NHERF2: variants seen among roughly 807,000 people sequenced by gnomAD.
The protein encoded by NHERF2 is NHERF family PDZ scaffold protein 2.
chr16:2,036,837 A>G, the NHERF2 span: 12 of 1,612,732 alleles, frequency 7.4e-6, no homozygotes, highest in African/African-American at 1.3e-5. Flanking sequence ...ACAGATGAAC[A>G]CTTCAAGCGG....
the NHERF2 span, among the ~76,000 whole-genome samples, chr16:2,032,074 C>G: frequency 6.8e-6 from 1 of 147,664 alleles, no homozygotes; most frequent in Non-Finnish European, 1.5e-5. The surrounding 1 kb of genome is among the most constrained non-coding windows in gnomAD (Gnocchi z 4.0). Flanking sequence ...GGCTGGAGTG[C>G]TGTGGTGCGA....
the NHERF2 span, among the ~76,000 whole-genome samples, chr16:2,034,840 C>G: frequency 6.6e-6 from 1 of 152,354 alleles, no homozygotes. Context: ...CCAGGCCAGC[C>G]TGGGGGCCGT....
the NHERF2 span, chr16:2,038,242 A>C: frequency 2.8e-5 from 16 of 563,988 alleles, no homozygotes; most frequent in Middle Eastern, 4.3e-4. Context: ...AGAGAGAGAC[A>C]CAGAGAGAGA....
At chr16:2,037,517 A>G in the NHERF2 span, 2 of 1,603,352 alleles carry the variant, frequency 1.2e-6, no homozygotes, top group Non-Finnish European at 1.7e-6. Context: ...GTGAAACCAC[A>G]ATCTGCCCTT....
At chr16:2,038,647 G>A in the NHERF2 span, 1 of 275,092 alleles carries the variant, frequency 3.6e-6, no homozygotes, top group Non-Finnish European at 6.9e-6. Flanking sequence ...ACCTGCCCTG[G>A]TGTGGGGGTC....
chr16:2,033,491 G>C, the NHERF2 span: 2 of 1,478,466 alleles, frequency 1.4e-6, no homozygotes, highest in East Asian at 2.5e-5. Context: ...TCAGCCTCCC[G>C]GGGTGGAAGG....
the NHERF2 span, among the ~76,000 whole-genome samples, chr16:2,027,554 G>C: frequency 2.0e-5 from 3 of 152,260 alleles, no homozygotes; most frequent in Non-Finnish European, 4.4e-5. Flanking sequence ...CTTTTGCCTG[G>C]GTGTGTGTGT....
chr16:2,028,848 A>C, the NHERF2 span, among the ~76,000 whole-genome samples: 1 of 152,072 alleles, frequency 6.6e-6, no homozygotes, highest in Non-Finnish European at 1.5e-5. Flanking sequence ...TGGTCCAGAC[A>C]CTTCACAGGC....
At chr16:2,036,021 T>C in the NHERF2 span, 2 of 392,386 alleles carry the variant, frequency 5.1e-6, no homozygotes, top group South Asian at 5.0e-5. Context: ...TCCCACCTGG[T>C]GCTTCCTCCC....
the NHERF2 span, chr16:2,037,420 G>C: frequency 1.0e-6 from 1 of 999,758 alleles, no homozygotes. Context: ...CCAGAGGCCC[G>C]AGGCCCCCTG....
the NHERF2 span, chr16:2,035,321 GT>G: frequency 1.2e-6 from 1 of 847,420 alleles, no homozygotes; most frequent in Non-Finnish European, 1.4e-6. Flanking sequence ...GGCTGGAGGG[GT>G]TGGGGGTGTC....
the NHERF2 span, chr16:2,029,886 T>A: frequency 3.9e-6 from 4 of 1,019,394 alleles, no homozygotes. Flanking sequence ...AGTCTTGGTC[T>A]CTTCTGCCTT....
chr16:2,031,515 C>T, the NHERF2 span, among the ~76,000 whole-genome samples: 2 of 152,168 alleles, frequency 1.3e-5, no homozygotes, highest in African/African-American at 4.8e-5. Context: ...GGCCCAGGCA[C>T]CTTGCCTTGG....
chr16:2,033,613 T>C, the NHERF2 span, among the ~76,000 whole-genome samples: 1 of 152,202 alleles, frequency 6.6e-6, no homozygotes, highest in East Asian at 1.9e-4. Flanking sequence ...GGTACCCCCA[T>C]GCCAGCCTCT....
At chr16:2,029,014 G>A in the NHERF2 span, among the ~76,000 whole-genome samples, 1 of 152,212 alleles carries the variant, frequency 6.6e-6, no homozygotes, top group Non-Finnish European at 1.5e-5. Flanking sequence ...GATCCAGAGG[G>A]AATGGGCCCA....
At chr16:2,037,529 G>T in the NHERF2 span, 1 of 1,609,080 alleles carries the variant, frequency 6.2e-7, no homozygotes, top group Non-Finnish European at 8.5e-7. Context: ...TCTGCCCTTG[G>T]TTTCCCAGCT....
At chr16:2,037,928 A>G in the NHERF2 span, 1 of 1,613,142 alleles carries the variant, frequency 6.2e-7, no homozygotes, top group South Asian at 1.1e-5. Context: ...GCGAGTCAAC[A>G]AGCGCGCGCC....
chr16:2,033,237 C>G, the NHERF2 span: 2 of 1,511,908 alleles, frequency 1.3e-6, no homozygotes, highest in Non-Finnish European at 1.8e-6. Context: ...CACCCATCCC[C>G]GGGGAGCCAG....
chr16:2,027,101 C>A, the NHERF2 span: 1 of 1,465,128 alleles, frequency 6.8e-7, no homozygotes. Context: ...AGGGCCGCCG[C>A]GGGCAGTTCA....
Sources: gnomAD v4.1 joint callset for allele counts (sites outside exome capture counted in the v4.1 genomes callset) on GRCh38, gnomAD v4.1.1 for gene constraint, Gnocchi (gnomAD v3.1) non-coding constraint, MANE v1.5 for transcripts, NCBI Gene and HGNC (gene_info 2026-07-23, HGNC 2026-07-21) for gene names.